DAB1: variants seen among roughly 807,000 people sequenced by gnomAD.
DAB1 encodes DAB adaptor protein 1, also known as disabled homolog 1.
A neutral mutation model predicts 64.6 loss-of-function variants in DAB1; 15 were observed. The ratio of observed to expected loss-of-function variants is 0.23; its 90% CI spans 0.16 to 0.36. DAB1 has a LOEUF of 0.36. Among genes scored for constraint, DAB1 ranks in the 10% least tolerant of loss-of-function variants. DAB1 has a pLI of 1.00. For synonymous variants in DAB1, 235 were observed against 251.9 expected, an observed-to-expected ratio of 0.93 and a Z score of 0.64; for missense variants, 596 against 706.7, an observed-to-expected ratio of 0.84 and a Z score of 1.78.
At chr1:57,471,328 T>C (rs1483729281) in intron 7 of DAB1, among the ~76,000 whole-genome samples, 1 of 152,202 alleles carries the variant, frequency 6.6e-6, no homozygotes, top group Non-Finnish European at 1.5e-5. Context: ...GCACTCTGTG[T>C]TATTTTTTTT....
chr1:57,356,696 C>T (rs1054758412), intron 1 of DAB1, among the ~76,000 whole-genome samples: 9 of 152,016 alleles, frequency 5.9e-5, no homozygotes, highest in Admixed American at 5.2e-4. Flanking sequence ...TCAAACGATG[C>T]AGTTTGTAGG....
At chr1:58,411,997 G>C (rs1296042192) in intron 3 of DAB1, among the ~76,000 whole-genome samples, 1 of 152,176 alleles carries the variant, frequency 6.6e-6, no homozygotes, top group African/African-American at 2.4e-5. Context: ...AGCTCACCAT[G>C]ATCTGAACCC....
At chr1:57,823,020 T>C (rs1652190473), downstream of DAB1, among the ~76,000 whole-genome samples, 1 of 148,258 alleles carries the variant, frequency 6.7e-6, no homozygotes, top group African/African-American at 2.5e-5. Context: ...AGTCTCACTC[T>C]GTCACCCAGG....
chr1:57,464,447 G>A (rs986238731), intron 7 of DAB1, among the ~76,000 whole-genome samples: 1 of 152,082 alleles, frequency 6.6e-6, no homozygotes, highest in East Asian at 1.9e-4. Flanking sequence ...CACAGCGCAT[G>A]TACTTCACAA....
chr1:58,129,331 A>C (rs1653361278), intron 5 of DAB1, among the ~76,000 whole-genome samples: 1 of 148,480 alleles, frequency 6.7e-6, no homozygotes, highest in Non-Finnish European at 1.5e-5. Context: ...TATTGTGTCT[A>C]TTTGATTCTT....
intron 6 of DAB1, among the ~76,000 whole-genome samples, chr1:57,774,124 T>C (rs955663120): frequency 6.6e-6 from 1 of 151,908 alleles, no homozygotes. Context: ...AGTTTTCTAA[T>C]TCAGCATTAT....
intron 3 of DAB1, among the ~76,000 whole-genome samples, chr1:58,361,923 G>A (rs1346695675): frequency 7.3e-6 from 1 of 136,174 alleles, no homozygotes; most frequent in Admixed American, 8.0e-5. Context: ...AGGCTGGAGT[G>A]CAGCAGTGTG....
At chr1:58,527,399 A>G in intron 1 of DAB1, 1 of 810,136 alleles carries the variant, frequency 1.2e-6, no homozygotes. Context: ...GGAGTAACAC[A>G]GAGAGATTTT....
chr1:57,589,667 G>A (rs538445584), intron 7 of DAB1, among the ~76,000 whole-genome samples: 6 of 152,174 alleles, frequency 3.9e-5, no homozygotes, highest in African/African-American at 1.2e-4. Flanking sequence ...TGAGGCAAGA[G>A]TATCACTTGA....
At chr1:58,202,141 T>C (rs1367798593) in intron 4 of DAB1, among the ~76,000 whole-genome samples, 5 of 152,208 alleles carry the variant, frequency 3.3e-5, no homozygotes, top group Non-Finnish European at 7.3e-5. Flanking sequence ...TTATAAGTGT[T>C]AGCTTTAAAG....
chr1:57,380,325 T>C (rs1243021746), intron 1 of DAB1, among the ~76,000 whole-genome samples: 1 of 152,196 alleles, frequency 6.6e-6, no homozygotes, highest in African/African-American at 2.4e-5. Flanking sequence ...AAGCGTAGCC[T>C]AGAACAGGTT....
chr1:57,117,387 A>G (rs1017767480), intron 4 of DAB1, among the ~76,000 whole-genome samples: 1 of 152,190 alleles, frequency 6.6e-6, no homozygotes, highest in Non-Finnish European at 1.5e-5. Context: ...GGTGTGGAGA[A>G]TTAAGATGAA....
intron 4 of DAB1, among the ~76,000 whole-genome samples, chr1:58,213,158 G>A (rs1658644655): frequency 6.6e-6 from 1 of 152,154 alleles, no homozygotes; most frequent in Non-Finnish European, 1.5e-5. Context: ...GTCAAATTTG[G>A]TATAAGGAAT....
intron 1 of DAB1, among the ~76,000 whole-genome samples, chr1:58,535,457 G>A (rs891615809): frequency 5.3e-5 from 8 of 151,914 alleles, no homozygotes; most frequent in Non-Finnish European, 8.8e-5. Context: ...TTGGCCAGGC[G>A]TGGTGGCGCA....
At chr1:57,030,117 G>T (rs1646921923) in intron 9 of DAB1, among the ~76,000 whole-genome samples, 1 of 152,046 alleles carries the variant, frequency 6.6e-6, no homozygotes, top group Admixed American at 6.6e-5. Flanking sequence ...CAATCATGGG[G>T]GCTGGTCTTT....
chr1:57,179,684 C>T lies in DAB1; in HGVS notation c.68-34255G>A, dbSNP rs528619451. 2.0e-5 allele frequency among the ~76,000 whole-genome samples: 3 copies of T among 152,212 alleles called. No individual in the cohort carries two copies. In the South Asian group the frequency reaches 6.2e-4, roughly 32 times the overall value. On this transcript the variant is annotated intron_variant, in intron 2 of 14. Transcript: ENST00000371236. ...AATCACCTAGAATGCTCCATCCTACCTGGTTTGAAAGCCATTGGGGAAACG... is the reference window on the plus strand; with the variant it reads ...AATCACCTAGAATGCTCCATCCTACTTGGTTTGAAAGCCATTGGGGAAACG...
intron 2 of DAB1, among the ~76,000 whole-genome samples, chr1:58,518,764 C>T (rs1284814165): frequency 6.6e-6 from 1 of 151,914 alleles, no homozygotes; most frequent in African/African-American, 2.4e-5. Context: ...ATTGAACATA[C>T]TGGGTTTGAG....
intron 6 of DAB1, among the ~76,000 whole-genome samples, chr1:57,724,640 G>C (rs1406274512): frequency 6.6e-6 from 1 of 152,122 alleles, no homozygotes; most frequent in Non-Finnish European, 1.5e-5. Flanking sequence ...CATCTTGCGG[G>C]CTCCCTTCTC....
chr1:57,679,023 G>T (rs776082547), intron 6 of DAB1, among the ~76,000 whole-genome samples: 4 of 151,676 alleles, frequency 2.6e-5, no homozygotes, highest in Non-Finnish European at 5.9e-5. Context: ...CGCCTGCCTC[G>T]GCCTCCCAAA....
Sources: allele counts gnomAD v4.1 joint callset (sites outside exome capture counted in the v4.1 genomes callset), GRCh38; gene constraint gnomAD v4.1.1; transcripts MANE v1.5; gene names NCBI Gene and HGNC (gene_info 2026-07-23, HGNC 2026-07-21).